The following METTL22 variants were observed in gnomAD, a reference collection of about 807,000 sequenced individuals.
The protein encoded by METTL22 is methyltransferase-like protein 22.
METTL22 carries 51 observed loss-of-function variants against 48.4 expected under a neutral mutation model. The ratio of observed to expected loss-of-function variants is 1.05; its 90% CI spans 0.84 to 1.33. The LOEUF (loss-of-function observed/expected upper bound fraction) is 1.33. Ranked by LOEUF, METTL22 falls within the 40% of genes most tolerant of loss-of-function variation. METTL22 has a pLI of 0.00. For missense variants in METTL22, 678 were observed against 526.9 expected (o/e 1.29, Z -2.81); for synonymous variants, 255 against 214.1 (o/e 1.19, Z -1.67).
In METTL22 at chr16:8,647,092, A is replaced by G; in HGVS notation, c.*949A>G. On this transcript the variant is annotated 3_prime_UTR_variant, in exon 11 of 11. Transcript: ENST00000381920. ...CATGGCCCCTTTCCGCCTCCCTTGC[A>G]GCTCAGGTTTCCTGGCTTCTCCATG... The G allele has an allele frequency of 4.1e-6, 1 of 242,194 alleles. No individual in the cohort carries two copies. Among genetic ancestry groups the G allele is most frequent in the South Asian group, 5.1e-5 (1 of 19,602 alleles). The allele number at this position is 242,194 out of a possible 1,614,324, so 15.0% of individuals were successfully genotyped here.
the METTL22 span, among the ~76,000 whole-genome samples, chr16:8,657,241 C>T: frequency 2.4e-4 from 37 of 152,290 alleles, 1 homozygote; most frequent in Admixed American, 2.0e-3. Flanking sequence ...AGTTGTTGAA[C>T]CACACCATCA....
At chr16:8,656,969 C>G in the METTL22 span, among the ~76,000 whole-genome samples, 2 of 152,158 alleles carry the variant, frequency 1.3e-5, no homozygotes, top group African/African-American at 4.8e-5. Flanking sequence ...AACCCACTCC[C>G]GAGAAGACAA....
intron 5 of METTL22, among the ~76,000 whole-genome samples, chr16:8,635,611 C>T (rs958624999): frequency 1.3e-5 from 2 of 152,166 alleles, no homozygotes; most frequent in African/African-American, 4.8e-5. Context: ...GCAAATATCT[C>T]CAAAAACAGG....
rs758969861 is a variant in METTL22 at position 8,628,966 on chromosome 16, G to A, written c.370G>A (p.Val124Met). The change falls in exon 3 of 11, where the codon GTG becomes ATG. Residue 124 changes from valine (V) to methionine (M), a missense_variant. Val to Met is a conservative substitution (Grantham distance 21). Transcript: ENST00000381920. ...AQLDEDGDLD[V>M]VRRPRAASDS... ...GCTGGATGAGGATGGGGATTTGGACGTGGTGAGAAGACCACGAGCCGCCTC... is the reference window on the plus strand; with the variant it reads ...GCTGGATGAGGATGGGGATTTGGACATGGTGAGAAGACCACGAGCCGCCTC... 5.7e-5 allele frequency: 92 copies of A among 1,613,988 alleles called. No homozygotes were observed. Among genetic ancestry groups the A allele is most frequent in the Non-Finnish European group, 7.5e-5 (88 of 1,180,048 alleles).
rs1614616 is a variant in METTL22 at position 8,642,171 on chromosome 16, T to C, written c.871T>C (p.Leu291=). 1,610,135 of 1,613,860 alleles carry C rather than the reference T, an allele frequency of 1. 803,297 individuals are homozygous for C. The highest frequency in any genetic ancestry group is 1 in the Non-Finnish European group (1,179,767 of 1,179,798). The change falls in exon 8 of 11, where the codon TTG becomes CTG. Residue 291 remains leucine (L), a synonymous_variant. Transcript: ENST00000381920. ...FSWSQEEISD[L]YDHTTILFAA... ...TTGGTCACAAGAGGAAATTTCTGAC[T>C]TGTACGATCACACCACCATCCTGTT...
At chr16:8,633,038 G>GGGAGA (rs756537772) in intron 3 of METTL22, among the ~76,000 whole-genome samples, 4 of 152,162 alleles carry the variant, frequency 2.6e-5, no homozygotes, top group East Asian at 3.9e-4. Context: ...GGCCAATGGA[G>GGGAGA]GGAGAGGAGA....
At chr16:8,631,926 C>G (rs1446811314) in intron 3 of METTL22, 1 of 152,328 alleles carries the variant, frequency 6.6e-6, no homozygotes, top group African/African-American at 2.4e-5. Context: ...TTCTTCCTCA[C>G]CCCTATGCAG....
chr16:8,654,456 T>C (rs1014117620), downstream of METTL22, among the ~76,000 whole-genome samples: 3 of 152,280 alleles, frequency 2.0e-5, no homozygotes, highest in African/African-American at 7.2e-5. Context: ...CTTTATGTTA[T>C]ATACATGTAT....
the METTL22 span, among the ~76,000 whole-genome samples, chr16:8,665,928 A>T: frequency 0.011 from 1,714 of 152,352 alleles, 42 homozygotes; most frequent in African/African-American, 0.04. Context: ...TGAATGAATT[A>T]ATGAAGTTGA....
At chr16:8,622,556 A>G (rs1367176221) in intron 1 of METTL22, among the ~76,000 whole-genome samples, 1 of 152,116 alleles carries the variant, frequency 6.6e-6, no homozygotes, top group African/African-American at 2.4e-5. Flanking sequence ...CAGACCCTGC[A>G]TTTCCGGAAA....
chr16:8,664,436 C>T, the METTL22 span, among the ~76,000 whole-genome samples: 7 of 151,848 alleles, frequency 4.6e-5, no homozygotes, highest in South Asian at 1.0e-3. Context: ...TGAGCCACCA[C>T]GCCCAGCCTA....
chr16:8,625,796 C>T lies in METTL22; in HGVS notation c.131C>T (p.Pro44Leu). The T allele has an allele frequency of 6.2e-7, 1 of 1,614,066 alleles. No individual in the cohort carries two copies. The highest frequency in any genetic ancestry group is 1.1e-5 in the South Asian group (1 of 91,074). The change falls in exon 2 of 11, where the codon CCA (proline) becomes CTA (leucine). Residue 44 changes from proline (P) to leucine (L), a missense_variant and splice_region_variant. Coordinates refer to ENST00000381920, the MANE Select transcript of METTL22 (RefSeq NM_024109.4). ...LMVRLNSVGQPVFLSQFKLLW... is the reference protein window; with the variant it reads ...LMVRLNSVGQLVFLSQFKLLW... ...GTACGGCTGAACAGCGTGGGGCAGC[C>T]AGGTAAGGTCCTGGGCCCAGGTGCC... is the stretch of plus-strand genomic sequence containing the variant.
intron 3 of METTL22, chr16:8,631,587 G>C (rs1234177804): frequency 6.6e-6 from 1 of 152,264 alleles, no homozygotes; most frequent in Non-Finnish European, 1.5e-5. Context: ...GTAAGCCTCT[G>C]TCCTGGGGAC....
At chr16:8,644,351 A>C in intron 9 of METTL22, 1 of 478,710 alleles carries the variant, frequency 2.1e-6, no homozygotes. Flanking sequence ...CCACATCTGT[A>C]AAGTGCTATC....
intron 8 of METTL22, 125 bp downstream of exon 8, chr16:8,642,332 G>A: frequency 8.1e-7 from 1 of 1,233,000 alleles, no homozygotes; most frequent in South Asian, 1.2e-5. Flanking sequence ...CACCACATCT[G>A]CAGTTTTAAT....
intron 10 of METTL22, among the ~76,000 whole-genome samples, chr16:8,645,436 A>G (rs2056757265): frequency 6.6e-6 from 1 of 152,152 alleles, no homozygotes; most frequent in African/African-American, 2.4e-5. Flanking sequence ...ATGACCAAGA[A>G]CACACATTTC....
At chr16:8,627,779 T>C (rs1022563863) in intron 2 of METTL22, among the ~76,000 whole-genome samples, 1 of 152,178 alleles carries the variant, frequency 6.6e-6, no homozygotes, top group Admixed American at 6.5e-5. Context: ...AGGGTCTCAT[T>C]CTGTCACCCA....
the METTL22 span, among the ~76,000 whole-genome samples, chr16:8,659,476 G>A: frequency 6.6e-6 from 1 of 152,202 alleles, no homozygotes. Context: ...GTGTCCACAT[G>A]CTGGATATTT....
the METTL22 span, among the ~76,000 whole-genome samples, chr16:8,655,137 G>C: frequency 5.1e-4 from 78 of 152,300 alleles, no homozygotes; most frequent in African/African-American, 1.7e-3. Flanking sequence ...AAACTTAGAA[G>C]CTTAAGACAA....
Sources: allele counts gnomAD v4.1 joint callset (sites outside exome capture counted in the v4.1 genomes callset), GRCh38; gene constraint gnomAD v4.1.1; transcripts MANE v1.5; gene names NCBI Gene and HGNC (gene_info 2026-07-23, HGNC 2026-07-21).